ZFAND3: variants seen among roughly 807,000 people sequenced by gnomAD.
ZFAND3 encodes zinc finger AN1-type containing 3, also known as AN1-type zinc finger protein 3.
Under a neutral mutation model 29.6 loss-of-function variants are expected in ZFAND3, and 10 were observed. The observed-to-expected ratio is 0.34, with a 90% CI of 0.21 to 0.57. The LOEUF (loss-of-function observed/expected upper bound fraction) is 0.57. Among genes scored for constraint, ZFAND3 ranks in the 20% least tolerant of loss-of-function variants. The pLI is 0.86. For missense variants in ZFAND3, 230 were observed against 304.5 expected, an observed-to-expected ratio of 0.76 and a Z score of 1.82; for synonymous variants, 128 against 112.6, an observed-to-expected ratio of 1.14 and a Z score of -0.87.
chr6:38,024,492 CTAA>C (rs1431094867), intron 2 of ZFAND3, among the ~76,000 whole-genome samples: 3 of 150,350 alleles, frequency 2.0e-5, no homozygotes, highest in South Asian at 4.2e-4. Flanking sequence ...AAAAAAGTAC[CTAA>C]ACGTGCATGT....
At chr6:38,142,912 A>C (rs1203662006) in intron 5 of ZFAND3, 1 of 153,870 alleles carries the variant, frequency 6.5e-6, no homozygotes, top group Non-Finnish European at 1.4e-5. Context: ...TCCAGATAAA[A>C]CAGCCTAGCA....
chr6:37,840,934 G>A (rs1171497593), intron 1 of ZFAND3, among the ~76,000 whole-genome samples: 2 of 152,146 alleles, frequency 1.3e-5, no homozygotes, highest in Non-Finnish European at 1.5e-5. Context: ...TAATAATAAA[G>A]CAAGGAACCA....
At chr6:37,924,114 A>G (rs1761437128) in intron 1 of ZFAND3, among the ~76,000 whole-genome samples, 1 of 152,168 alleles carries the variant, frequency 6.6e-6, no homozygotes, top group South Asian at 2.1e-4. Context: ...AACTTTTAAA[A>G]GTGTCTGCCA....
At chr6:37,849,979 G>GC (rs1764253345) in intron 1 of ZFAND3, among the ~76,000 whole-genome samples, 1 of 152,074 alleles carries the variant, frequency 6.6e-6, no homozygotes, top group South Asian at 2.1e-4. Flanking sequence ...CCTTGCTGCT[G>GC]CCACCACTGC....
chr6:38,061,111 C>A (rs1251173651), intron 2 of ZFAND3, among the ~76,000 whole-genome samples: 2 of 152,110 alleles, frequency 1.3e-5, no homozygotes, highest in South Asian at 2.1e-4. Context: ...TTCATTTAGT[C>A]CAAATATTCT....
chr6:37,906,601 AGTCCAAACT>A (rs1196175184), intron 1 of ZFAND3, among the ~76,000 whole-genome samples: 15 of 152,170 alleles, frequency 9.9e-5, no homozygotes, highest in Admixed American at 8.5e-4. Context: ...TTACTGAGGA[AGTCCAAACT>A]GTTTTCCACA....
rs116029854 is a variant in ZFAND3 at position 37,948,476 on chromosome 6, T to C, written c.112+18477T>C. On this transcript the variant is annotated intron_variant, in intron 2 of 5. Transcript: ENST00000287218. ...TTTTTGTTTTCTTTCCAACTTTTGT[T>C]TTTAGACTTAGGGGGCACATGGGCA... Among the ~76,000 whole-genome samples, 469 of 152,302 alleles carry C rather than the reference T, an allele frequency of 3.1e-3. 3 individuals carry two copies. The highest frequency in any genetic ancestry group is 0.011 in the African/African-American group (446 of 41,564).
In ZFAND3 at chr6:37,820,002, C is replaced by T. The variant is rs1763630674; in HGVS notation, c.57C>T (p.Pro19=). ...CGCCCAGCCTGCCGCCTCGCTGTCC[C>T]TGCGGCTTCTGGGGGTAAGTGCCCG... The part of the protein sequence containing the change: ...SKAPSLPPRC[P]CGFWGSSKTM... Residue 19 remains proline, a synonymous_variant, in exon 1 of 6, where the codon CCC becomes CCT. Coordinates refer to ENST00000287218, the MANE Select transcript of ZFAND3 (RefSeq NM_021943.3). 4.1e-6 allele frequency: 5 copies of T among 1,218,806 alleles called. No homozygotes were observed. Among genetic ancestry groups the T allele is most frequent in the Middle Eastern group, 3.2e-4 (1 of 3,132 alleles). 75.5% of individuals were successfully genotyped at this position (1,218,806 alleles called of 1,614,324 possible). A position where few individuals can be genotyped will look rare whatever the true frequency, so the allele number is the denominator to read the frequency against.
At chr6:38,037,240 C>T (rs1471600577) in intron 2 of ZFAND3, among the ~76,000 whole-genome samples, 1 of 152,244 alleles carries the variant, frequency 6.6e-6, no homozygotes, top group East Asian at 1.9e-4. Flanking sequence ...CATAACAGGC[C>T]ATCAGTGGGA....
rs144798234 is a variant in ZFAND3, at chr6:38,092,832, T to C, written c.361+10375T>C. ...TTTTGGAAAGGGCTTTCCGGTTTGA[T>C]CCAGGAGTTTATCAGCATTCTGGTA... On this transcript the variant is annotated intron_variant, in intron 4 of 5. Transcript: ENST00000287218. Among the ~76,000 whole-genome samples the C allele has an allele frequency of 5.0e-3, 762 of 152,290 alleles. 8 individuals are homozygous for C. Among genetic ancestry groups the C allele is most frequent in the African/African-American group, 0.015 (630 of 41,554 alleles).
intron 3 of ZFAND3, among the ~76,000 whole-genome samples, chr6:38,069,923 C>G (rs1405390316): frequency 6.6e-6 from 1 of 152,172 alleles, no homozygotes; most frequent in East Asian, 1.9e-4. Context: ...ACTTTTAATC[C>G]TATTTTTAAG....
intron 2 of ZFAND3, among the ~76,000 whole-genome samples, chr6:38,029,243 C>T (rs548082675): frequency 3.3e-5 from 5 of 152,262 alleles, no homozygotes; most frequent in South Asian, 2.1e-4. Flanking sequence ...TATCTACAAA[C>T]GAGTACGGGT....
At chr6:38,142,365 G>T (rs923643375) in intron 5 of ZFAND3, 14 of 471,086 alleles carry the variant, frequency 3.0e-5, no homozygotes, top group Non-Finnish European at 6.2e-5. Context: ...GCCTGCAAAG[G>T]TGCCTTCAGG....
rs146235840 is a variant in ZFAND3, at chr6:37,846,434, TAAAAG to T, written c.71+26419_71+26423del. On this transcript the variant is annotated intron_variant, in intron 1 of 5. Coordinates refer to ENST00000287218, the MANE Select transcript of ZFAND3 (RefSeq NM_021943.3). ...TAGCAAGACCCTTGTCCCTTTAAAA[TAAAAG>T]GGAAAATTATAGTATTAAAGTTATG... Among the ~76,000 whole-genome samples, 18 of 152,226 alleles carry T rather than the reference TAAAAG, an allele frequency of 1.2e-4. No homozygotes were observed. The East Asian group carries it at 2.7e-3, about 23-fold the overall frequency.
At chr6:38,089,105 T>C (rs1764814401) in intron 4 of ZFAND3, among the ~76,000 whole-genome samples, 1 of 151,952 alleles carries the variant, frequency 6.6e-6, no homozygotes, top group Admixed American at 6.5e-5. Context: ...AGTTTTTCCC[T>C]TTTCTTGACT....
At chr6:37,869,467 T>G (rs1293890240) in intron 1 of ZFAND3, among the ~76,000 whole-genome samples, 1 of 152,086 alleles carries the variant, frequency 6.6e-6, no homozygotes, top group East Asian at 1.9e-4. Context: ...CGTTATTTTG[T>G]CTTTCATTCA....
At chr6:37,863,372 G>A (rs1394697326) in intron 1 of ZFAND3, among the ~76,000 whole-genome samples, 1 of 152,174 alleles carries the variant, frequency 6.6e-6, no homozygotes, top group African/African-American at 2.4e-5. Flanking sequence ...GTAATCCTGG[G>A]TAGGTTCCTC....
At chr6:38,020,236 G>A (rs903282610) in intron 2 of ZFAND3, among the ~76,000 whole-genome samples, 28 of 152,288 alleles carry the variant, frequency 1.8e-4, no homozygotes, top group African/African-American at 6.5e-4. Flanking sequence ...AGAATTGGAA[G>A]ATAATGTATA....
chr6:38,078,124 A>G (rs992131955), intron 3 of ZFAND3, among the ~76,000 whole-genome samples: 1 of 152,222 alleles, frequency 6.6e-6, no homozygotes, highest in Non-Finnish European at 1.5e-5. Context: ...GGGAAAATCT[A>G]CTACCATATT....
Sources: gnomAD v4.1 joint callset for allele counts (sites outside exome capture counted in the v4.1 genomes callset) on GRCh38, gnomAD v4.1.1 for gene constraint, MANE v1.5 for transcripts, NCBI Gene and HGNC (gene_info 2026-07-23, HGNC 2026-07-21) for gene names.